Variants in STK16 observed in about 807,000 individuals in gnomAD.
STK16 encodes the protein serine/threonine kinase 16.
In STK16, 28 loss-of-function variants were observed where a neutral mutation model predicts 37.8. The ratio of observed to expected loss-of-function variants is 0.74; its 90% CI spans 0.55 to 1.02. The LOEUF (loss-of-function observed/expected upper bound fraction) is 1.02. Ranked by LOEUF, STK16 falls within the 50% of genes least tolerant of loss-of-function variation. The pLI is 0.00. For missense variants in STK16, 349 were observed against 390.6 expected (o/e 0.89, Z 0.90); for synonymous variants, 134 against 155.0 (o/e 0.86, Z 1.01).
chr2:219,245,832 T>G, intron 1 of STK16, 36 bp downstream of exon 1: 31 of 548,954 alleles, frequency 5.6e-5, no homozygotes, highest in East Asian at 1.3e-4. Flanking sequence ...GCTCTCCGCA[T>G]TGGTACTTCA....
At position 219,245,987 on chromosome 2, in the gene STK16, T is replaced by C. The variant is rs1472198678; in HGVS notation, c.-13T>C. ...AGCCTCAGACCGTCCTTGAAGAGGA[T>C]GACTGAGACATTATGGGCCACGCGC... On this transcript the variant is annotated 5_prime_UTR_variant, in exon 2 of 8. It removes an upstream start codon present in the reference 5' UTR. Coordinates refer to ENST00000396738, the MANE Select transcript of STK16 (RefSeq NM_001330213.2). The C allele has an allele frequency of 6.2e-7, 1 of 1,611,658 alleles. No individual in the cohort carries two copies. Among genetic ancestry groups the C allele is most frequent in the Non-Finnish European group, 8.5e-7 (1 of 1,178,590 alleles).
chr2:219,245,972 C>G lies in STK16; in HGVS notation c.-28C>G. 1 of 1,599,950 alleles carries G rather than the reference C, an allele frequency of 6.3e-7. No homozygotes were observed. Among genetic ancestry groups the G allele is most frequent in the Non-Finnish European group, 8.6e-7 (1 of 1,168,982 alleles). On this transcript the variant is annotated 5_prime_UTR_variant, in exon 2 of 8. Coordinates refer to ENST00000396738, the MANE Select transcript of STK16 (RefSeq NM_001330213.2). ...GACGAGCTCTTCGGTAGCCTCAGAC[C>G]GTCCTTGAAGAGGATGACTGAGACA...
intron 4 of STK16, 54 bp from the exon 5 acceptor site, chr2:219,247,361 G>T (rs562380956): frequency 6.2e-7 from 1 of 1,609,848 alleles, no homozygotes; most frequent in South Asian, 1.1e-5. Flanking sequence ...TGCTTGCTGG[G>T]ATTCCAGCCT....
Position 219,247,547 on chromosome 2 carries a change from T to A in STK16, c.561+12T>A, listed in dbSNP as rs775417896. 2 of 1,614,152 alleles carry A rather than the reference T, an allele frequency of 1.2e-6. No individual in the cohort carries two copies. Among genetic ancestry groups the A allele is most frequent in the Middle Eastern group, 3.3e-4 (2 of 6,062 alleles). ...CTCTGACCCTGCAGGTAAAAGAGTC[T>A]CCAGGTTCCTTTTCTCACCTGTTCC... On this transcript the variant is annotated intron_variant, in intron 5 of 7. Coordinates refer to ENST00000396738, the MANE Select transcript of STK16 (RefSeq NM_001330213.2).
Position 219,250,064 on chromosome 2 carries a change from T to C in STK16, c.*1505T>C, listed in dbSNP as rs1951619367. 2.6e-6 allele frequency: 1 copy of C among 387,002 alleles called. No homozygotes were observed. Among genetic ancestry groups the C allele is most frequent in the Non-Finnish European group, 4.7e-6 (1 of 212,782 alleles). 24.0% of individuals were successfully genotyped at this position (387,002 alleles called of 1,614,324 possible). On this transcript the variant is annotated 3_prime_UTR_variant, in exon 8 of 8. Transcript: ENST00000396738. This position sits in a 1 kb window ranked among gnomAD's most constrained non-coding sequence, Gnocchi z 8.4. Reference sequence around the variant, plus strand: ...GCTGAAGACTCATCCTTCAACAGTTTGTGCCTGGATTTTGGTCCTCATTTC... The same window carrying C: ...GCTGAAGACTCATCCTTCAACAGTTCGTGCCTGGATTTTGGTCCTCATTTC...
Position 219,246,183 on chromosome 2 carries a change from C to A in STK16, c.86+98C>A. 9.7e-7 allele frequency: 1 copy of A among 1,031,340 alleles called. No individual in the cohort carries two copies. Among genetic ancestry groups the A allele is most frequent in the South Asian group, 1.5e-5 (1 of 67,202 alleles). 63.9% of individuals were successfully genotyped at this position (1,031,340 alleles called of 1,614,324 possible). A position where few individuals can be genotyped will look rare whatever the true frequency, so the allele number is the denominator to read the frequency against. On this transcript the variant is annotated intron_variant, in intron 2 of 7. Coordinates refer to ENST00000396738, the MANE Select transcript of STK16 (RefSeq NM_001330213.2). The surrounding 1 kb of genome is among the most constrained non-coding windows in gnomAD (Gnocchi z 4.5). ...GGGGCACAAGGGTTTTATCCCTATCCCTGTCCTCTCTCACCTGACAGAACC... is the reference window on the plus strand; with the variant it reads ...GGGGCACAAGGGTTTTATCCCTATCACTGTCCTCTCTCACCTGACAGAACC...
chr2:219,246,328 G>A lies in STK16; in HGVS notation c.86+243G>A, dbSNP rs184692386. On this transcript the variant is annotated intron_variant, in intron 2 of 7. Transcript: ENST00000396738. The surrounding 1 kb of genome is among the most constrained non-coding windows in gnomAD (Gnocchi z 4.5). Reference sequence around the variant, plus strand: ...ATGGAGATGATTATTATCCCTCACTGATGGAGTTGTGAGGATTAAATGAGA... The same window carrying A: ...ATGGAGATGATTATTATCCCTCACTAATGGAGTTGTGAGGATTAAATGAGA... 2.6e-3 allele frequency: 1,580 copies of A among 601,644 alleles called. 20 individuals carry two copies. Among genetic ancestry groups the A allele is most frequent in the Middle Eastern group, 0.017 (37 of 2,236 alleles). The allele number at this position is 601,644 out of a possible 1,614,324, so 37.3% of individuals were successfully genotyped here. A position where few individuals can be genotyped will look rare whatever the true frequency, so the allele number is the denominator to read the frequency against.
chr2:219,247,056 G>A (rs889495053), intron 3 of STK16, 57 bp from the exon 4 acceptor site: 1 of 1,610,924 alleles, frequency 6.2e-7, no homozygotes, highest in Non-Finnish European at 8.5e-7. Context: ...AAGGGATCAG[G>A]CCTAAGGAGC....
Position 219,246,629 on chromosome 2 carries a change from GCC to G in STK16, c.87-26_87-25del. The G allele has an allele frequency of 6.3e-7, 1 of 1,587,772 alleles. No individual in the cohort carries two copies. Among genetic ancestry groups the G allele is most frequent in the Non-Finnish European group, 8.6e-7 (1 of 1,156,338 alleles). The stretch of plus-strand genomic sequence containing the variant: ...CCAAGCCATGTGGGAGATGACCATG[GCC>G]CTTTATTGACCCCTTTGGCCCACAG... On this transcript the variant is annotated intron_variant, in intron 2 of 7. Coordinates refer to ENST00000396738, the MANE Select transcript of STK16 (RefSeq NM_001330213.2). The surrounding 1 kb of genome is among the most constrained non-coding windows in gnomAD (Gnocchi z 4.5).
In STK16 at chr2:219,247,628, G is replaced by T. The variant is rs534782674; in HGVS notation, c.562-34G>T. 7.4e-6 allele frequency: 12 copies of T among 1,613,530 alleles called. No homozygotes were observed. In the East Asian group the frequency reaches 2.5e-4, roughly 33 times the overall value. On this transcript the variant is annotated intron_variant, in intron 5 of 7. Coordinates refer to ENST00000396738, the MANE Select transcript of STK16 (RefSeq NM_001330213.2). ...GTTTGGTCACATGACCATGACCTGT[G>T]CCCCACTTTTGAGCTCTGGGATCAC...
In STK16 at chr2:219,250,317, C is replaced by CA. The variant is rs765926994; in HGVS notation, c.*1760dup. The CA allele has an allele frequency of 1.3e-6, 2 of 1,569,412 alleles. No individual in the cohort carries two copies. The highest frequency in any genetic ancestry group is 2.3e-5 in the South Asian group (2 of 85,274). ...AACTGTTTATTTCGAAAGGATTTTGCAATAAACATAGTGAATAGGCTCCAG... is the reference window on the plus strand; with the variant it reads ...AACTGTTTATTTCGAAAGGATTTTGCAAATAAACATAGTGAATAGGCTCCAG... On this transcript the variant is annotated 3_prime_UTR_variant, in exon 8 of 8. Coordinates refer to ENST00000396738, the MANE Select transcript of STK16 (RefSeq NM_001330213.2). This position sits in a 1 kb window ranked among gnomAD's most constrained non-coding sequence, Gnocchi z 8.4.
In STK16 at chr2:219,246,601, G is replaced by T. The variant is rs1951536275; in HGVS notation, c.87-56G>T. 1 of 1,477,084 alleles carries T rather than the reference G, an allele frequency of 6.8e-7. No individual in the cohort carries two copies. The allele number at this position is 1,477,084 out of a possible 1,614,324, so 91.5% of individuals were successfully genotyped here. A position where few individuals can be genotyped will look rare whatever the true frequency, so the allele number is the denominator to read the frequency against. The stretch of plus-strand genomic sequence containing the variant: ...CACTCCCCACCAGGAAATTTCTCTA[G>T]GTCCAAGCCATGTGGGAGATGACCA... On this transcript the variant is annotated intron_variant, in intron 2 of 7. Coordinates refer to ENST00000396738, the MANE Select transcript of STK16 (RefSeq NM_001330213.2). This position sits in a 1 kb window ranked among gnomAD's most constrained non-coding sequence, Gnocchi z 4.5.
chr2:219,246,303 A>T lies in STK16; in HGVS notation c.86+218A>T. Reference sequence around the variant, plus strand: ...AAACCATGTTTTTTTCATCAGCTTAATGGAGATGATTATTATCCCTCACTG... The same window carrying T: ...AAACCATGTTTTTTTCATCAGCTTATTGGAGATGATTATTATCCCTCACTG... On this transcript the variant is annotated intron_variant, in intron 2 of 7. Transcript: ENST00000396738. This position sits in a 1 kb window ranked among gnomAD's most constrained non-coding sequence, Gnocchi z 4.5. 1.7e-6 allele frequency: 1 copy of T among 601,680 alleles called. No individual in the cohort carries two copies. Among genetic ancestry groups the T allele is most frequent in the Non-Finnish European group, 3.0e-6 (1 of 334,238 alleles). 37.3% of individuals were successfully genotyped at this position (601,680 alleles called of 1,614,324 possible).
rs1951547897 is a variant in STK16, at chr2:219,246,941, C to T, written c.306+65C>T. On this transcript the variant is annotated intron_variant, in intron 3 of 7. Transcript: ENST00000396738. This position sits in a 1 kb window ranked among gnomAD's most constrained non-coding sequence, Gnocchi z 4.5. ...GCCACCTACTCAAGGGCTGTGTGAG[C>T]AGTCCAGCATGTTAGGAAGCAGGGA... 2 of 1,538,912 alleles carry T rather than the reference C, an allele frequency of 1.3e-6. No individual in the cohort carries two copies. The highest frequency in any genetic ancestry group is 1.2e-5 in the South Asian group (1 of 82,680).
chr2:219,248,041 C>A, intron 6 of STK16, 152 bp from the exon 7 acceptor site: 1 of 1,227,686 alleles, frequency 8.1e-7, no homozygotes, highest in Non-Finnish European at 1.2e-6. Context: ...AGGCCTCCAG[C>A]TGACTGGCAG....
At position 219,247,100 on chromosome 2, in the gene STK16, A is replaced by G; in HGVS notation, c.307-13A>G. 1 of 1,614,176 alleles carries G rather than the reference A, an allele frequency of 6.2e-7. No individual in the cohort carries two copies. The stretch of plus-strand genomic sequence containing the variant: ...CAAAAACATCTCCAACTGTAGGGAA[A>G]CTTGTGTTGCAGAGAGGTACGCTGT... On this transcript the variant is annotated splice_polypyrimidine_tract_variant and intron_variant, in intron 3 of 7. Coordinates refer to ENST00000396738, the MANE Select transcript of STK16 (RefSeq NM_001330213.2).
intron 6 of STK16, 31 bp from the exon 7 acceptor site, chr2:219,248,162 C>A (rs971166533): frequency 1.2e-6 from 2 of 1,612,460 alleles, no homozygotes; most frequent in Admixed American, 3.3e-5. Flanking sequence ...TCCACTGGTC[C>A]CCTTCTAGGG....
Position 219,248,729 on chromosome 2 carries a change from C to T in STK16, c.*170C>T. The T allele has an allele frequency of 5.0e-6, 2 of 401,972 alleles. No individual in the cohort carries two copies. The highest frequency in any genetic ancestry group is 7.9e-6 in the Non-Finnish European group (2 of 252,088). The allele number at this position is 401,972 out of a possible 1,614,324, so 24.9% of individuals were successfully genotyped here. On this transcript the variant is annotated 3_prime_UTR_variant, in exon 8 of 8. Coordinates refer to ENST00000396738, the MANE Select transcript of STK16 (RefSeq NM_001330213.2). Reference sequence around the variant, plus strand: ...TCTTCTGCTTTCTTCCCTCCAAGAGCAAAACCTGGGCAAGGGGACTTACTG... The same window carrying T: ...TCTTCTGCTTTCTTCCCTCCAAGAGTAAAACCTGGGCAAGGGGACTTACTG...
Position 219,248,747 on chromosome 2 carries a change from A to C in STK16, c.*188A>C. 2.8e-6 allele frequency: 1 copy of C among 358,356 alleles called. No individual in the cohort carries two copies. Among genetic ancestry groups the C allele is most frequent in the Non-Finnish European group, 5.1e-6 (1 of 194,610 alleles). 22.2% of individuals were successfully genotyped at this position (358,356 alleles called of 1,614,324 possible). A position where few individuals can be genotyped will look rare whatever the true frequency, so the allele number is the denominator to read the frequency against. On this transcript the variant is annotated 3_prime_UTR_variant, in exon 8 of 8. Coordinates refer to ENST00000396738, the MANE Select transcript of STK16 (RefSeq NM_001330213.2). ...CCAAGAGCAAAACCTGGGCAAGGGG[A>C]CTTACTGAGTGGGGGTGGGTGGGGG...
Sources: allele counts gnomAD v4.1 joint callset, GRCh38; gene constraint gnomAD v4.1.1; non-coding constraint Gnocchi (gnomAD v3.1); transcripts MANE v1.5; gene names NCBI Gene and HGNC (gene_info 2026-07-23, HGNC 2026-07-21).